The following ZNF738 variants were observed in gnomAD, a reference collection of about 807,000 sequenced individuals.
ZNF738 encodes zinc finger protein 738.
In ZNF738, 10 loss-of-function variants were observed where a neutral mutation model predicts 9.2. That is an observed-to-expected ratio of 1.09 (90% CI 0.67 to 1.85). The LOEUF (loss-of-function observed/expected upper bound fraction) is 1.85. ZNF738 is among the 40% of genes most tolerant of loss of function. ZNF738 has a pLI of 0.00. For synonymous variants in ZNF738, 113 were observed against 94.5 expected (o/e 1.20, Z -1.14); for missense variants, 346 against 283.6 (o/e 1.22, Z -1.58).
At chr19:21,365,373 A>G (rs774860586) in intron 2 of ZNF738, among the ~76,000 whole-genome samples, 9 of 151,986 alleles carry the variant, frequency 5.9e-5, no homozygotes, top group Non-Finnish European at 1.3e-4. Context: ...GCCCTATTTT[A>G]CCCACCCCCT....
At chr19:21,375,145 C>A in intron 2 of ZNF738, 93 bp from the exon 3 acceptor site, 1 of 673,470 alleles carries the variant, frequency 1.5e-6, no homozygotes, top group Non-Finnish European at 2.4e-6. Flanking sequence ...AAGTCAGAAC[C>A]AATTTTCTTT....
At chr19:21,360,069 A>G (rs1973661847) in intron 1 of ZNF738, among the ~76,000 whole-genome samples, 1 of 152,192 alleles carries the variant, frequency 6.6e-6, no homozygotes, top group African/African-American at 2.4e-5. Flanking sequence ...TTTGTACATT[A>G]AAGGTGAAAA....
intron 1 of ZNF738, chr19:21,360,328 C>T (rs981432222): frequency 3.3e-5 from 5 of 152,226 alleles, no homozygotes; most frequent in African/African-American, 9.7e-5. Flanking sequence ...GTCTAACCCC[C>T]ATCCCTCATT....
At chr19:21,359,439 G>A (rs1250644718) in intron 1 of ZNF738, among the ~76,000 whole-genome samples, 1 of 152,248 alleles carries the variant, frequency 6.6e-6, no homozygotes, top group Non-Finnish European at 1.5e-5. Flanking sequence ...TGCAGGGACC[G>A]TGGGAGGGTC....
intron 2 of ZNF738, among the ~76,000 whole-genome samples, chr19:21,374,138 G>C (rs990416616): frequency 6.6e-6 from 1 of 152,146 alleles, no homozygotes; most frequent in African/African-American, 2.4e-5. Context: ...AGTAAGGATG[G>C]AGAACATGTA....
At chr19:21,367,628 C>T (rs1973800211) in intron 2 of ZNF738, among the ~76,000 whole-genome samples, 1 of 152,170 alleles carries the variant, frequency 6.6e-6, no homozygotes, top group Non-Finnish European at 1.5e-5. Context: ...GCTCTGCTCT[C>T]CTGTACACAG....
At chr19:21,365,143 T>C (rs1973759075) in intron 2 of ZNF738, among the ~76,000 whole-genome samples, 1 of 152,278 alleles carries the variant, frequency 6.6e-6, no homozygotes, top group East Asian at 1.9e-4. Flanking sequence ...GATGTTTCCA[T>C]GGCATTTGTA....
chr19:21,383,797 T>C lies in ZNF738; in HGVS notation c.*123T>C, dbSNP rs1390817891. 88 of 1,150,846 alleles carry C rather than the reference T, an allele frequency of 7.6e-5. No homozygotes were observed. The highest frequency in any genetic ancestry group is 1.0e-4 in the Non-Finnish European group (81 of 787,720). 71.3% of individuals were successfully genotyped at this position (1,150,846 alleles called of 1,614,324 possible). On this transcript the variant is annotated 3_prime_UTR_variant, in exon 5 of 5. Coordinates refer to ENST00000683779, the MANE Select transcript of ZNF738 (RefSeq NM_001355237.2). ...TTAAACAGTCCTCAAACCTTACTAC[T>C]CATGAAAATTCATTCTGGAGAGAAA...
intron 2 of ZNF738, among the ~76,000 whole-genome samples, chr19:21,371,049 A>G (rs1049790577): frequency 7.9e-5 from 12 of 152,214 alleles, no homozygotes; most frequent in Admixed American, 7.2e-4. Flanking sequence ...CTGATGATAG[A>G]ATCTGTAAGT....
chr19:21,360,588 G>GCCC (rs1363197395), intron 1 of ZNF738: 1 of 151,996 alleles, frequency 6.6e-6, no homozygotes, highest in Non-Finnish European at 1.5e-5. Context: ...TTAGTAGCTG[G>GCCC]GATTACAGGT....
In ZNF738 at chr19:21,383,710, T is replaced by C. The variant is rs1974034387; in HGVS notation, c.*36T>C. 5.8e-6 allele frequency: 6 copies of C among 1,029,378 alleles called. No homozygotes were observed. The highest frequency in any genetic ancestry group is 9.1e-6 in the Non-Finnish European group (6 of 660,452). The allele number at this position is 1,029,378 out of a possible 1,614,324, so 63.8% of individuals were successfully genotyped here. ...CCTTTAATGTATTCGCAACCCTTAC[T>C]AGACATAAGATAATTCATACTGAAG... On this transcript the variant is annotated 3_prime_UTR_variant, in exon 5 of 5. Coordinates refer to ENST00000683779, the MANE Select transcript of ZNF738 (RefSeq NM_001355237.2).
At chr19:21,382,294 T>C (rs531609886) in intron 4 of ZNF738, among the ~76,000 whole-genome samples, 2 of 150,978 alleles carry the variant, frequency 1.3e-5, no homozygotes, top group South Asian at 2.1e-4. Flanking sequence ...CAGGCTGGAG[T>C]GCAATGGCAT....
rs1174850767 is a variant in ZNF738, at chr19:21,380,439, G to T, written c.320-2427G>T. Among the ~76,000 whole-genome samples, 4 of 152,174 alleles carry T rather than the reference G, an allele frequency of 2.6e-5. No homozygotes were observed. In the South Asian group the frequency reaches 6.2e-4, roughly 24 times the overall value. On this transcript the variant is annotated intron_variant, in intron 4 of 4. Coordinates refer to ENST00000683779, the MANE Select transcript of ZNF738 (RefSeq NM_001355237.2). ...CCCACTCTCCCCTGGCCTGTGGAGTGGGGGTGGACAGGAGCCCTTTGGCTT... is the reference window on the plus strand; with the variant it reads ...CCCACTCTCCCCTGGCCTGTGGAGTTGGGGTGGACAGGAGCCCTTTGGCTT...
Position 21,385,079 on chromosome 19 carries a change from G to A in ZNF738, c.*1405G>A, listed in dbSNP as rs187790001. On this transcript the variant is annotated 3_prime_UTR_variant, in exon 5 of 5. Transcript: ENST00000683779. The stretch of plus-strand genomic sequence containing the variant: ...AAGATAAAAGAGTTTGACTGGGTGC[G>A]GTGGCTCATGCCTGTAATCCCAGCA... 3.1e-4 allele frequency among the ~76,000 whole-genome samples: 47 copies of A among 152,174 alleles called. 1 individual carries two copies. The East Asian group carries it at 5.2e-3, about 17-fold the overall frequency.
intron 4 of ZNF738, chr19:21,381,985 G>T: frequency 5.0e-6 from 1 of 201,220 alleles, no homozygotes; most frequent in South Asian, 1.6e-4. Context: ...TGTCTCCATG[G>T]ACATGGCAGG....
rs956333088 is a variant in ZNF738, at chr19:21,359,022, C to A, written c.-119C>A. On this transcript the variant is annotated 5_prime_UTR_variant, in exon 1 of 5. Transcript: ENST00000683779. ...TTTGTCTTTGGCTGCCGCTGGAACTCCGGGTCTCGTCTTCACTGCTCTGTG... is the reference window on the plus strand; with the variant it reads ...TTTGTCTTTGGCTGCCGCTGGAACTACGGGTCTCGTCTTCACTGCTCTGTG... 1.4e-5 allele frequency: 11 copies of A among 778,656 alleles called. No homozygotes were observed. Among genetic ancestry groups the A allele is most frequent in the Non-Finnish European group, 2.1e-5 (9 of 426,722 alleles). The allele number at this position is 778,656 out of a possible 1,614,324, so 48.2% of individuals were successfully genotyped here.
intron 2 of ZNF738, among the ~76,000 whole-genome samples, chr19:21,367,589 G>A (rs1172026039): frequency 6.6e-6 from 1 of 152,198 alleles, no homozygotes; most frequent in Non-Finnish European, 1.5e-5. Flanking sequence ...CTGGCCTGCA[G>A]TGGAACTCCA....
intron 2 of ZNF738, among the ~76,000 whole-genome samples, chr19:21,362,097 G>GATAATA (rs55672173): frequency 0.021 from 3,137 of 148,026 alleles, 60 homozygotes; most frequent in East Asian, 0.075. Context: ...TAATAATAAT[G>GATAATA]ATAATAATAA....
chr19:21,379,645 C>T (rs899391094), intron 4 of ZNF738, among the ~76,000 whole-genome samples: 5 of 152,118 alleles, frequency 3.3e-5, no homozygotes, highest in Non-Finnish European at 7.3e-5. Flanking sequence ...TCTTCAAAGG[C>T]CCCTACAAGC....
Sources: allele counts gnomAD v4.1 joint callset (sites outside exome capture counted in the v4.1 genomes callset), GRCh38; gene constraint gnomAD v4.1.1; transcripts MANE v1.5; gene names NCBI Gene and HGNC (gene_info 2026-07-23, HGNC 2026-07-21).